RAB2A: variants seen among roughly 807,000 people sequenced by gnomAD.
RAB2A encodes RAB2A, member RAS oncogene family.
RAB2A carries 7 observed loss-of-function variants against 32.5 expected under a neutral mutation model. The ratio of observed to expected loss-of-function variants is 0.22; its 90% CI spans 0.12 to 0.40. The LOEUF is 0.40. RAB2A is among the 10% of genes least tolerant of loss of function. The pLI is 1.00. For missense variants in RAB2A, 108 were observed against 260.7 expected, an observed-to-expected ratio of 0.41 and a Z score of 4.03; for synonymous variants, 79 against 85.2, an observed-to-expected ratio of 0.93 and a Z score of 0.40.
intron 7 of RAB2A, among the ~76,000 whole-genome samples, chr8:60,620,180 T>C (rs1023333385): frequency 6.6e-6 from 1 of 152,346 alleles, no homozygotes; most frequent in Admixed American, 6.5e-5. Context: ...AAAGAACTAC[T>C]CTGTGTGTGG....
intron 5 of RAB2A, among the ~76,000 whole-genome samples, chr8:60,587,002 G>A (rs1803862536): frequency 6.6e-6 from 1 of 151,858 alleles, no homozygotes; most frequent in African/African-American, 2.4e-5. Flanking sequence ...GACTTTTTTG[G>A]GAGGGTAGAT....
chr8:60,586,209 G>A (rs1184035865), intron 5 of RAB2A, among the ~76,000 whole-genome samples: 3 of 152,038 alleles, frequency 2.0e-5, no homozygotes, highest in Non-Finnish European at 2.9e-5. Flanking sequence ...GCTGAGGTGG[G>A]AGAATCACTT....
intron 6 of RAB2A, among the ~76,000 whole-genome samples, chr8:60,613,414 T>A (rs965474161): frequency 6.6e-6 from 1 of 152,228 alleles, no homozygotes; most frequent in African/African-American, 2.4e-5. Context: ...GGGCTACATT[T>A]ATCTTTCCTT....
intron 1 of RAB2A, among the ~76,000 whole-genome samples, chr8:60,518,318 A>G (rs1425191136): frequency 6.6e-6 from 1 of 152,182 alleles, no homozygotes; most frequent in Non-Finnish European, 1.5e-5. Flanking sequence ...TGTAAGCAGC[A>G]GTTTGTAGTT....
At chr8:60,591,263 T>TC (rs949192589) in intron 5 of RAB2A, among the ~76,000 whole-genome samples, 1 of 151,858 alleles carries the variant, frequency 6.6e-6, no homozygotes, top group African/African-American at 2.4e-5. Context: ...GCTTACACTT[T>TC]CTCTCTCACT....
intron 1 of RAB2A, among the ~76,000 whole-genome samples, chr8:60,550,657 GGAAGGCAT>G (rs1233192402): frequency 6.6e-6 from 1 of 152,028 alleles, no homozygotes; most frequent in Non-Finnish European, 1.5e-5. Flanking sequence ...AAAGTGCTAG[GGAAGGCAT>G]GAGCCACCAC....
At chr8:60,586,710 A>C (rs73261234) in intron 5 of RAB2A, among the ~76,000 whole-genome samples, 11,422 of 152,138 alleles carry the variant, frequency 0.075, 1,295 homozygotes, top group African/African-American at 0.25. Context: ...TGAGGCAAGG[A>C]GTTCAAGACC....
At chr8:60,518,175 C>G (rs1199940083) in intron 1 of RAB2A, among the ~76,000 whole-genome samples, 1 of 152,060 alleles carries the variant, frequency 6.6e-6, no homozygotes, top group African/African-American at 2.4e-5. Flanking sequence ...TTTTTAATAC[C>G]TGTGATTTGG....
At chr8:60,602,195 T>A (rs771453936) in intron 6 of RAB2A, among the ~76,000 whole-genome samples, 27 of 152,158 alleles carry the variant, frequency 1.8e-4, no homozygotes, top group Non-Finnish European at 3.5e-4. Flanking sequence ...TCTTAAAAAT[T>A]AACTTAATCG....
intron 6 of RAB2A, among the ~76,000 whole-genome samples, chr8:60,601,122 A>G (rs1804127536): frequency 6.6e-6 from 1 of 152,210 alleles, no homozygotes; most frequent in East Asian, 1.9e-4. Flanking sequence ...ACCACAATAA[A>G]ATACTAATGT....
intron 1 of RAB2A, among the ~76,000 whole-genome samples, chr8:60,540,364 T>C (rs1415429743): frequency 6.6e-6 from 1 of 152,046 alleles, no homozygotes; most frequent in Admixed American, 6.6e-5. Flanking sequence ...GCTGGAATTA[T>C]CAGGGTTTAG....
intron 2 of RAB2A, among the ~76,000 whole-genome samples, chr8:60,567,112 T>C (rs1399499841): frequency 6.7e-6 from 1 of 149,476 alleles, no homozygotes; most frequent in Non-Finnish European, 1.5e-5. Context: ...TTCATCTTTC[T>C]TTTTTTCTTT....
In RAB2A at chr8:60,622,654, A is replaced by T. The variant is rs1368521010; in HGVS notation, c.*1885A>T. 1 of 152,152 alleles carries T rather than the reference A, an allele frequency of 6.6e-6. No individual in the cohort carries two copies. Among genetic ancestry groups the T allele is most frequent in the Non-Finnish European group, 1.5e-5 (1 of 68,008 alleles). 9.4% of individuals were successfully genotyped at this position (152,152 alleles called of 1,614,324 possible). A position where few individuals can be genotyped will look rare whatever the true frequency, so the allele number is the denominator to read the frequency against. On this transcript the variant is annotated 3_prime_UTR_variant, in exon 8 of 8. Coordinates refer to ENST00000262646, the MANE Select transcript of RAB2A (RefSeq NM_002865.3). ...GAAGTTTAGTGCGTTTCTTTTCCAT[A>T]CTTTCTCCCCTAATTCTTTTATTTG...
intron 6 of RAB2A, among the ~76,000 whole-genome samples, chr8:60,602,146 G>A (rs1804144760): frequency 6.6e-6 from 1 of 151,998 alleles, no homozygotes; most frequent in African/African-American, 2.4e-5. Context: ...CCAACGTGCT[G>A]GGATTACAGG....
intron 6 of RAB2A, among the ~76,000 whole-genome samples, chr8:60,603,721 TA>T (rs1208269953): frequency 6.6e-6 from 1 of 152,156 alleles, no homozygotes; most frequent in Admixed American, 6.5e-5. Context: ...GGTGCTATGA[TA>T]TTATTATTAA....
chr8:60,575,081 GT>G (rs1188980268), intron 3 of RAB2A, among the ~76,000 whole-genome samples: 1 of 129,504 alleles, frequency 7.7e-6, no homozygotes, highest in Non-Finnish European at 1.6e-5. Context: ...TTTTGTTTTT[GT>G]TTTTTTGGGG....
chr8:60,579,521 A>G (rs377473894), intron 3 of RAB2A, among the ~76,000 whole-genome samples: 1 of 152,234 alleles, frequency 6.6e-6, no homozygotes, highest in Non-Finnish European at 1.5e-5. Flanking sequence ...ATCTCTTACT[A>G]TTAAATACAA....
chr8:60,544,898 C>T (rs1459215375), intron 1 of RAB2A, among the ~76,000 whole-genome samples: 1 of 151,952 alleles, frequency 6.6e-6, no homozygotes, highest in Non-Finnish European at 1.5e-5. Context: ...AATGTAATTA[C>T]AAAATGGCTA....
At chr8:60,609,562 T>C (rs191081423) in intron 6 of RAB2A, among the ~76,000 whole-genome samples, 29 of 152,236 alleles carry the variant, frequency 1.9e-4, no homozygotes, top group African/African-American at 6.5e-4. Flanking sequence ...ATGTTCTTCT[T>C]CCTTCAGTCT....
Sources: gnomAD v4.1 joint callset for allele counts (sites outside exome capture counted in the v4.1 genomes callset) on GRCh38, gnomAD v4.1.1 for gene constraint, MANE v1.5 for transcripts, NCBI Gene and HGNC (gene_info 2026-07-23, HGNC 2026-07-21) for gene names.